Variants in ZFAND3 observed in about 807,000 individuals in gnomAD.
ZFAND3 encodes zinc finger AN1-type containing 3, also known as AN1-type zinc finger protein 3.
In ZFAND3, 10 loss-of-function variants were observed where a neutral mutation model predicts 29.6. The observed-to-expected ratio is 0.34, with a 90% confidence interval of 0.21 to 0.57. ZFAND3 has a LOEUF of 0.57. ZFAND3 is among the 20% of genes least tolerant of loss of function. ZFAND3 has a pLI of 0.86. For synonymous variants in ZFAND3, 128 were observed against 112.6 expected (o/e 1.14, Z -0.87); for missense variants, 230 against 304.5 (o/e 0.76, Z 1.82).
At chr6:38,120,226 A>G (rs894596949) in intron 5 of ZFAND3, among the ~76,000 whole-genome samples, 12 of 151,356 alleles carry the variant, frequency 7.9e-5, no homozygotes, top group South Asian at 2.1e-4. Context: ...TTCTTCTGCA[A>G]TCTGGCCATC....
intron 3 of ZFAND3, among the ~76,000 whole-genome samples, chr6:38,063,701 T>C (rs1265363300): frequency 6.6e-6 from 1 of 152,118 alleles, no homozygotes; most frequent in Non-Finnish European, 1.5e-5. Context: ...TGGAAGAGAA[T>C]GAAAGACAAG....
At chr6:37,856,578 C>T (rs551271344) in intron 1 of ZFAND3, among the ~76,000 whole-genome samples, 1 of 152,272 alleles carries the variant, frequency 6.6e-6, no homozygotes, top group African/African-American at 2.4e-5. Flanking sequence ...TCCACTCCAC[C>T]TGTGTATGGT....
chr6:37,891,377 A>G (rs1031359546), intron 1 of ZFAND3, among the ~76,000 whole-genome samples: 1 of 150,330 alleles, frequency 6.7e-6, no homozygotes, highest in Non-Finnish European at 1.5e-5. Context: ...AGCAAAACTG[A>G]CAGAAATGGA....
At chr6:37,891,286 G>A (rs1320539525) in intron 1 of ZFAND3, among the ~76,000 whole-genome samples, 1 of 152,006 alleles carries the variant, frequency 6.6e-6, no homozygotes, top group African/African-American at 2.4e-5. Flanking sequence ...TCCATTATAT[G>A]GTTGTTACCA....
chr6:38,047,870 A>G (rs753599111), intron 2 of ZFAND3, among the ~76,000 whole-genome samples: 12 of 152,134 alleles, frequency 7.9e-5, no homozygotes, highest in Non-Finnish European at 1.5e-4. Context: ...CCTGTAGATT[A>G]TAGGGTCATT....
At chr6:38,116,496 C>T in intron 4 of ZFAND3, 76 bp from the exon 5 acceptor site, 2 of 1,509,158 alleles carry the variant, frequency 1.3e-6, no homozygotes, top group Non-Finnish European at 1.8e-6. Flanking sequence ...CAGGAGAATG[C>T]CTGGAAATAC....
chr6:38,078,882 C>T (rs966690823), intron 3 of ZFAND3, among the ~76,000 whole-genome samples: 5 of 152,172 alleles, frequency 3.3e-5, no homozygotes, highest in African/African-American at 9.7e-5. Flanking sequence ...TGGGGACTTA[C>T]GCCAGCCACA....
At chr6:38,109,136 G>T (rs973046852) in intron 4 of ZFAND3, among the ~76,000 whole-genome samples, 3 of 151,218 alleles carry the variant, frequency 2.0e-5, no homozygotes, top group African/African-American at 7.3e-5. Context: ...AGAGTTAGAG[G>T]GAAAACCTTG....
At chr6:38,133,643 G>A (rs946113545) in intron 5 of ZFAND3, among the ~76,000 whole-genome samples, 7 of 151,818 alleles carry the variant, frequency 4.6e-5, no homozygotes, top group Admixed American at 3.9e-4. Flanking sequence ...CCAGCTACTC[G>A]GGAGGCTGAG....
At chr6:37,940,917 A>G (rs1761800157) in intron 2 of ZFAND3, among the ~76,000 whole-genome samples, 1 of 152,254 alleles carries the variant, frequency 6.6e-6, no homozygotes, top group African/African-American at 2.4e-5. Flanking sequence ...TTGTGAAAAA[A>G]GAGAGGAAAG....
intron 2 of ZFAND3, among the ~76,000 whole-genome samples, chr6:37,999,183 A>G (rs1477984014): frequency 6.6e-6 from 1 of 152,230 alleles, no homozygotes; most frequent in Non-Finnish European, 1.5e-5. Context: ...AAGAGCTCCC[A>G]GTGGCCCAAG....
At chr6:37,842,104 G>A (rs1187421) in intron 1 of ZFAND3, among the ~76,000 whole-genome samples, 57,563 of 151,844 alleles carry the variant, frequency 0.38, 11,643 homozygotes, top group Non-Finnish European at 0.46. Flanking sequence ...TGATGAGGGC[G>A]ATGCCTTAAT....
At chr6:38,043,321 C>T (rs1763828248) in intron 2 of ZFAND3, among the ~76,000 whole-genome samples, 1 of 151,012 alleles carries the variant, frequency 6.6e-6, no homozygotes, top group Admixed American at 6.6e-5. Flanking sequence ...TACCATTGAC[C>T]TTGATTTTAG....
At chr6:38,002,285 CTTTTTTT>C (rs559479814) in intron 2 of ZFAND3, among the ~76,000 whole-genome samples, 2 of 137,906 alleles carry the variant, frequency 1.5e-5, no homozygotes, top group East Asian at 4.1e-4. Context: ...ATTTTCTTTT[CTTTTTTT>C]TTTTTTTTTA....
At chr6:38,118,400 T>G (rs1765462087) in intron 5 of ZFAND3, among the ~76,000 whole-genome samples, 1 of 152,190 alleles carries the variant, frequency 6.6e-6, no homozygotes, top group African/African-American at 2.4e-5. Context: ...AGCAGTTCAG[T>G]CTGTTACCAG....
intron 1 of ZFAND3, among the ~76,000 whole-genome samples, chr6:37,893,863 TG>T (rs111632488): frequency 0.36 from 55,452 of 151,948 alleles, 11,269 homozygotes; most frequent in Non-Finnish European, 0.47. Flanking sequence ...CCAGGACCTT[TG>T]TTTCTATCTC....
In ZFAND3 at chr6:37,945,529, C is replaced by T. The variant is rs1581782549; in HGVS notation, c.112+15530C>T. On this transcript the variant is annotated intron_variant, in intron 2 of 5. Transcript: ENST00000287218. ...TCCTGCTTCAGCCTCCCTGCACCAC[C>T]ATGCCCAGCTAATTTTTGTATTTTT... 2.0e-5 allele frequency among the ~76,000 whole-genome samples: 3 copies of T among 152,222 alleles called. No individual in the cohort carries two copies. The East Asian group carries it at 5.8e-4, about 29-fold the overall frequency.
At chr6:38,075,252 A>G (rs1247636965) in intron 3 of ZFAND3, among the ~76,000 whole-genome samples, 2 of 152,180 alleles carry the variant, frequency 1.3e-5, no homozygotes, top group Admixed American at 1.3e-4. Flanking sequence ...ATCATCTAGA[A>G]AGGACTCACC....
At chr6:38,064,501 C>G in intron 3 of ZFAND3, among the ~76,000 whole-genome samples, 1 of 152,108 alleles carries the variant, frequency 6.6e-6, no homozygotes, top group East Asian at 1.9e-4. Flanking sequence ...CTTCAGAGTT[C>G]ATACTTTTAA....
Sources: gnomAD v4.1 joint callset for allele counts (sites outside exome capture counted in the v4.1 genomes callset) on GRCh38, gnomAD v4.1.1 for gene constraint, MANE v1.5 for transcripts, NCBI Gene and HGNC (gene_info 2026-07-23, HGNC 2026-07-21) for gene names.